The following ARHGEF26 variants were observed in gnomAD, a reference collection of about 807,000 sequenced individuals.
ARHGEF26 encodes the protein Rho guanine nucleotide exchange factor (GEF) 26.
In ARHGEF26, 59 loss-of-function variants were observed where a neutral mutation model predicts 89.4. That is an observed-to-expected ratio of 0.66 (90% CI 0.54 to 0.82). The LOEUF is 0.82. Ranked by LOEUF, ARHGEF26 falls within the 40% of genes least tolerant of loss-of-function variation. The probability of loss-of-function intolerance (pLI) is 0.00; values close to 1 mark genes in which losing one functional copy is unlikely to be tolerated. For missense variants in ARHGEF26, 1,234 were observed against 1,085.6 expected (o/e 1.14, Z -1.92); for synonymous variants, 500 against 428.4 (o/e 1.17, Z -2.06).
intron 6 of ARHGEF26, among the ~76,000 whole-genome samples, chr3:154,182,581 T>G (rs1216558571): frequency 6.6e-6 from 1 of 152,220 alleles, no homozygotes; most frequent in African/African-American, 2.4e-5. Flanking sequence ...CGTTGATTTG[T>G]GTAATTTATT....
chr3:154,196,946 A>G (rs942740072), intron 9 of ARHGEF26, among the ~76,000 whole-genome samples: 4 of 152,082 alleles, frequency 2.6e-5, no homozygotes, highest in Admixed American at 2.0e-4. Context: ...TTGGTTGTTG[A>G]ATTAAACCTG....
At chr3:154,154,519 TAAAG>T (rs1215077441) in intron 6 of ARHGEF26, among the ~76,000 whole-genome samples, 1 of 152,006 alleles carries the variant, frequency 6.6e-6, no homozygotes, top group Non-Finnish European at 1.5e-5. Context: ...GCTTAAAACA[TAAAG>T]AAGAAAGTCT....
At chr3:154,158,050 G>C (rs1445534830) in intron 6 of ARHGEF26, among the ~76,000 whole-genome samples, 1 of 152,090 alleles carries the variant, frequency 6.6e-6, no homozygotes, top group Non-Finnish European at 1.5e-5. Flanking sequence ...CAGTAGACTT[G>C]GGGGGCTCTA....
chr3:154,219,489 G>T (rs1479589048), intron 10 of ARHGEF26, among the ~76,000 whole-genome samples: 1 of 151,792 alleles, frequency 6.6e-6, no homozygotes, highest in African/African-American at 2.4e-5. Flanking sequence ...CAGCTATTTG[G>T]GAAGCTGAGG....
intron 3 of ARHGEF26, among the ~76,000 whole-genome samples, chr3:154,128,567 C>A (rs551128332): frequency 2.0e-5 from 3 of 152,160 alleles, no homozygotes. Context: ...TGTACTTTCC[C>A]CCCATTTCCT....
Position 154,124,442 on chromosome 3 carries a change from TG to T in ARHGEF26, c.1120del (p.Glu374LysfsTer35). The T allele has an allele frequency of 6.5e-7, 1 of 1,538,432 alleles. No homozygotes were observed. Among genetic ancestry groups the T allele is most frequent in the East Asian group, 2.4e-5 (1 of 42,302 alleles). On this transcript the variant is annotated frameshift_variant, in exon 3 of 15. Transcript: ENST00000465093. LOFTEE classifies it high-confidence loss of function. ...TGCTGAAAGGACAAGGAACATTTGATGGGGAAGGTAAGCATTTAATTTTCCA... is the reference window on the plus strand; with the variant it reads ...TGCTGAAAGGACAAGGAACATTTGATGGGAAGGTAAGCATTTAATTTTCCA... Reference protein sequence around the residue: ...KMLKGQGTFDGEENAVLYQNY... With the variant: ...KMLKGQGTFDXEENAVLYQNY...
chr3:154,215,052 C>T (rs1457902208), intron 9 of ARHGEF26, among the ~76,000 whole-genome samples: 1 of 152,166 alleles, frequency 6.6e-6, no homozygotes, highest in African/African-American at 2.4e-5. Flanking sequence ...TGGATCATGT[C>T]ATTCCCCCAC....
chr3:154,132,365 C>T (rs1718732523), intron 4 of ARHGEF26, among the ~76,000 whole-genome samples: 2 of 152,036 alleles, frequency 1.3e-5, no homozygotes, highest in South Asian at 4.1e-4. Context: ...GTTCTTTTCT[C>T]CTTCCTACCT....
chr3:154,159,112 C>T lies in ARHGEF26; in HGVS notation c.1487+6180C>T, dbSNP rs562912178. ...TCTGCAAAATGAAAATTAGATGAGT[C>T]TTTGCTTTGATGTTTCATAAAAAGA... On this transcript the variant is annotated intron_variant, in intron 6 of 14. Coordinates refer to ENST00000465093, the MANE Select transcript of ARHGEF26 (RefSeq NM_015595.4). Among the ~76,000 whole-genome samples, 16 of 152,140 alleles carry T rather than the reference C, an allele frequency of 1.1e-4. 1 individual carries two copies. The South Asian group carries it at 3.1e-3, about 30-fold the overall frequency.
At chr3:154,243,766 T>C (rs1311160676) in intron 12 of ARHGEF26, among the ~76,000 whole-genome samples, 1 of 117,440 alleles carries the variant, frequency 8.5e-6, no homozygotes, top group Non-Finnish European at 1.6e-5. Context: ...TCAATTACAG[T>C]TGAGAAGTAA....
chr3:154,194,770 T>G, intron 9 of ARHGEF26, 52 bp downstream of exon 9: 1 of 1,480,690 alleles, frequency 6.8e-7, no homozygotes, highest in South Asian at 1.2e-5. Flanking sequence ...TTCAGTTAGC[T>G]CAGACACAAA....
At chr3:154,225,796 T>C in intron 10 of ARHGEF26, 60 bp from the exon 11 acceptor site, 2 of 1,517,932 alleles carry the variant, frequency 1.3e-6, no homozygotes, top group Non-Finnish European at 8.8e-7. Flanking sequence ...GCTTTTACTT[T>C]CAGTAAACTT....
At chr3:154,216,490 T>A (rs1444759550) in intron 9 of ARHGEF26, among the ~76,000 whole-genome samples, 1 of 27,346 alleles carries the variant, frequency 3.7e-5, no homozygotes, top group African/African-American at 1.8e-4. Context: ...TTTTTTTTTT[T>A]TATTTTTTTT....
At chr3:154,145,438 T>C (rs1393247088) in intron 4 of ARHGEF26, among the ~76,000 whole-genome samples, 1 of 152,176 alleles carries the variant, frequency 6.6e-6, no homozygotes. Flanking sequence ...TTTCAGCAAA[T>C]GGGTAAACTC....
intron 6 of ARHGEF26, among the ~76,000 whole-genome samples, chr3:154,170,004 G>A (rs1450020807): frequency 6.6e-6 from 1 of 151,652 alleles, no homozygotes; most frequent in Non-Finnish European, 1.5e-5. Flanking sequence ...TTCTAGCTAT[G>A]TTTTATTTCT....
intron 5 of ARHGEF26, 147 bp from the exon 6 acceptor site, chr3:154,152,625 T>A: frequency 2.0e-6 from 1 of 502,462 alleles, no homozygotes; most frequent in Non-Finnish European, 3.3e-6. Context: ...TTTGTGATGT[T>A]GTTTCTTTAA....
intron 6 of ARHGEF26, among the ~76,000 whole-genome samples, chr3:154,173,146 A>T (rs749474770): frequency 6.6e-6 from 1 of 152,078 alleles, no homozygotes; most frequent in Non-Finnish European, 1.5e-5. Flanking sequence ...ATTTCAAGGG[A>T]ATTTATTAGA....
chr3:154,159,486 A>G (rs1236556931), intron 6 of ARHGEF26, among the ~76,000 whole-genome samples: 1 of 152,150 alleles, frequency 6.6e-6, no homozygotes, highest in Non-Finnish European at 1.5e-5. Flanking sequence ...TGTGTAGCAG[A>G]GTAAATTACA....
intron 9 of ARHGEF26, among the ~76,000 whole-genome samples, chr3:154,209,060 C>G (rs1376839143): frequency 6.6e-6 from 1 of 152,054 alleles, no homozygotes; most frequent in Non-Finnish European, 1.5e-5. Context: ...AGCCACTGTG[C>G]CTGGCCGCCA....
Sources: gnomAD v4.1 joint callset for allele counts (sites outside exome capture counted in the v4.1 genomes callset) on GRCh38, gnomAD v4.1.1 for gene constraint, MANE v1.5 for transcripts, NCBI Gene and HGNC (gene_info 2026-07-23, HGNC 2026-07-21) for gene names.